BBS9: variants seen among roughly 807,000 people sequenced by gnomAD.
BBS9 encodes the protein Bardet-Biedl syndrome 9.
Under a neutral mutation model 117.7 loss-of-function variants are expected in BBS9, and 89 were observed. That is an observed-to-expected ratio of 0.76 (90% CI 0.64 to 0.90). BBS9 has a LOEUF of 0.90. Among genes scored for constraint, BBS9 ranks in the 40% least tolerant of loss-of-function variants. BBS9 has a pLI of 0.00. For missense variants in BBS9, 982 were observed against 1,042.2 expected (o/e 0.94, Z 0.80); for synonymous variants, 379 against 370.9 (o/e 1.02, Z -0.25).
intron 19 of BBS9, among the ~76,000 whole-genome samples, chr7:33,505,045 A>G (rs1217008772): frequency 6.6e-6 from 1 of 152,218 alleles, no homozygotes; most frequent in African/African-American, 2.4e-5. Flanking sequence ...AAGTGTAATG[A>G]AGTTATTTTG....
intron 9 of BBS9, among the ~76,000 whole-genome samples, chr7:33,331,920 G>A (rs1030503626): frequency 1.3e-5 from 2 of 151,952 alleles, no homozygotes; most frequent in Non-Finnish European, 1.5e-5. Flanking sequence ...TCAAAATACC[G>A]TCATCATTCT....
At chr7:33,296,680 C>G (rs1013864787) in intron 9 of BBS9, among the ~76,000 whole-genome samples, 1 of 152,148 alleles carries the variant, frequency 6.6e-6, no homozygotes, top group Non-Finnish European at 1.5e-5. Flanking sequence ...ACTGACCAAC[C>G]TTTGACTTCC....
chr7:33,217,133 A>G (rs1439980589), intron 5 of BBS9, among the ~76,000 whole-genome samples: 1 of 152,066 alleles, frequency 6.6e-6, no homozygotes, highest in Non-Finnish European at 1.5e-5. Flanking sequence ...AATACAACCT[A>G]TAGAAGAGCA....
intron 19 of BBS9, among the ~76,000 whole-genome samples, chr7:33,497,463 A>G (rs889475554): frequency 6.6e-6 from 1 of 152,036 alleles, no homozygotes; most frequent in East Asian, 1.9e-4. Flanking sequence ...TTACACTGGA[A>G]TTTTCTGGGC....
chr7:33,494,988 C>T (rs1844515311), intron 19 of BBS9, among the ~76,000 whole-genome samples: 1 of 152,012 alleles, frequency 6.6e-6, no homozygotes, highest in Admixed American at 6.5e-5. Flanking sequence ...ACATATTTTG[C>T]CAAAGAACTA....
rs191585233 is a variant in BBS9, at chr7:33,403,331, A to G, written c.2115+15187A>G. ...TATTTTTTTTTATTTTATTATTATT[A>G]TACTTTAAGTTTTAGGGTACATGTG... On this transcript the variant is annotated intron_variant, in intron 19 of 22. Coordinates refer to ENST00000242067, the MANE Select transcript of BBS9 (RefSeq NM_198428.3). 3.3e-3 allele frequency among the ~76,000 whole-genome samples: 442 copies of G among 135,762 alleles called. 2 individuals are homozygous for G. Among genetic ancestry groups the G allele is most frequent in the South Asian group, 7.4e-3 (32 of 4,326 alleles). 89.1% of individuals were successfully genotyped at this position (135,762 alleles called of 152,430 possible). A position where few individuals can be genotyped will look rare whatever the true frequency, so the allele number is the denominator to read the frequency against.
chr7:33,358,444 T>C (rs1820041755), intron 16 of BBS9, among the ~76,000 whole-genome samples: 1 of 151,896 alleles, frequency 6.6e-6, no homozygotes, highest in African/African-American at 2.4e-5. Flanking sequence ...AAGTAGATGC[T>C]CTTTGTACTG....
chr7:33,477,692 C>T (rs928672156), intron 19 of BBS9, among the ~76,000 whole-genome samples: 8 of 152,134 alleles, frequency 5.3e-5, no homozygotes, highest in Non-Finnish European at 1.2e-4. Context: ...CTTCAGTGTC[C>T]TGAAGCACCA....
intron 5 of BBS9, among the ~76,000 whole-genome samples, chr7:33,218,982 C>T (rs891554317): frequency 2.6e-5 from 4 of 152,206 alleles, no homozygotes; most frequent in African/African-American, 7.2e-5. Context: ...GAGGGAGAGG[C>T]GCGAGCGGGA....
chr7:33,414,722 A>G (rs1020264029), intron 19 of BBS9, among the ~76,000 whole-genome samples: 3 of 152,194 alleles, frequency 2.0e-5, no homozygotes, highest in Admixed American at 6.5e-5. Context: ...CCACTTTATT[A>G]CTATGAACAA....
chr7:33,169,139 C>T (rs1372452620), intron 4 of BBS9, among the ~76,000 whole-genome samples: 3 of 144,498 alleles, frequency 2.1e-5, no homozygotes, highest in African/African-American at 7.6e-5. Context: ...AGGACATGAA[C>T]TCATCATTTT....
chr7:33,598,260 T>G (rs896726175), intron 21 of BBS9, among the ~76,000 whole-genome samples: 1 of 151,444 alleles, frequency 6.6e-6, no homozygotes, highest in Admixed American at 6.6e-5. Context: ...TTTAAAAAAA[T>G]TTCCCCAGTG....
intron 19 of BBS9, among the ~76,000 whole-genome samples, chr7:33,487,317 GTA>G (rs1468588673): frequency 6.6e-6 from 1 of 152,178 alleles, no homozygotes; most frequent in Non-Finnish European, 1.5e-5. Flanking sequence ...TAGCTGAACA[GTA>G]GGCCTCAGTT....
chr7:33,135,666 C>G (rs1476868304), intron 1 of BBS9, among the ~76,000 whole-genome samples: 1 of 152,044 alleles, frequency 6.6e-6, no homozygotes, highest in Non-Finnish European at 1.5e-5. Flanking sequence ...ATTCTGGGTC[C>G]CTGGAAATTC....
intron 5 of BBS9, among the ~76,000 whole-genome samples, chr7:33,229,565 A>G (rs2128253048): frequency 6.6e-6 from 1 of 151,380 alleles, no homozygotes; most frequent in Admixed American, 6.6e-5. Flanking sequence ...AAATGGCAAG[A>G]TCCCATTCTT....
intron 13 of BBS9, 36 bp downstream of exon 13, chr7:33,349,206 T>C: frequency 6.8e-7 from 1 of 1,466,614 alleles, no homozygotes; most frequent in Non-Finnish European, 9.6e-7. Context: ...TCTACCATGG[T>C]GTGAATTTTT....
chr7:33,299,338 T>C (rs972990713), intron 9 of BBS9, among the ~76,000 whole-genome samples: 4 of 152,082 alleles, frequency 2.6e-5, no homozygotes, highest in Non-Finnish European at 4.4e-5. Flanking sequence ...CTATGTAATA[T>C]ATTCTTTTTT....
chr7:33,219,261 C>A (rs1016947016), intron 5 of BBS9, among the ~76,000 whole-genome samples: 6 of 152,228 alleles, frequency 3.9e-5, no homozygotes, highest in East Asian at 1.9e-4. Context: ...CCTCCCACCC[C>A]CTCCGTGGGC....
rs368526968 is a variant in BBS9, at chr7:33,388,049, C to T, written c.2020C>T (p.Arg674Trp). Residue 674 changes from arginine (R) to tryptophan (W), a missense_variant, in exon 19 of 23, where the codon CGG (arginine) becomes TGG (tryptophan). Coordinates refer to ENST00000242067, the MANE Select transcript of BBS9 (RefSeq NM_198428.3). ...ELLSERAVQFRAIQRRLLARF... is the reference protein window; with the variant it reads ...ELLSERAVQFWAIQRRLLARF... ...CTTATCTGAGAGAGCTGTACAATTT[C>T]GGGCCATTCAACGCCGGCTACTAGC... 60 of 1,614,066 alleles carry T rather than the reference C, an allele frequency of 3.7e-5. No homozygotes were observed. Among genetic ancestry groups the T allele is most frequent in the Non-Finnish European group, 4.5e-5 (53 of 1,179,968 alleles).
Sources: gnomAD v4.1 joint callset for allele counts (sites outside exome capture counted in the v4.1 genomes callset) on GRCh38, gnomAD v4.1.1 for gene constraint, MANE v1.5 for transcripts, NCBI Gene and HGNC (gene_info 2026-07-23, HGNC 2026-07-21) for gene names.